The following UBN2 variants were observed in gnomAD, a reference collection of about 807,000 sequenced individuals.
The protein encoded by UBN2 is ubinuclein 2.
Under a neutral mutation model 120.2 loss-of-function variants are expected in UBN2, and 35 were observed. That is an observed-to-expected ratio of 0.29 (90% CI 0.22 to 0.39). The LOEUF is 0.39. Ranked by LOEUF, UBN2 falls within the 10% of genes least tolerant of loss-of-function variation. UBN2 has a pLI of 1.00. For synonymous variants in UBN2, 661 were observed against 648.7 expected (o/e 1.02, Z -0.29); for missense variants, 1,693 against 1,663.2 (o/e 1.02, Z -0.31).
chr7:139,284,030 C>T lies in UBN2; in HGVS notation c.3125C>T (p.Ser1042Phe), dbSNP rs752508519. The T allele has an allele frequency of 6.8e-6, 11 of 1,614,142 alleles. No individual in the cohort carries two copies. Among genetic ancestry groups the T allele is most frequent in the Non-Finnish European group, 9.3e-6 (11 of 1,180,022 alleles). Residue 1042 changes from serine to phenylalanine, a missense_variant, in exon 15 of 18, where the codon TCT becomes TTT. By Grantham distance (155) the Ser-to-Phe change is radical (BLOSUM62 -2). This residue lies in a region of UBN2 where 837 missense variants were observed against 817.6 expected (regional missense o/e 1.02). Coordinates refer to ENST00000473989, the MANE Select transcript of UBN2 (RefSeq NM_173569.4). ...SMAASPKLAASPKPATSPKPL... is the reference protein window; with the variant it reads ...SMAASPKLAAFPKPATSPKPL... ...GCTGCCTCCCCAAAACTTGCCGCAT[C>T]TCCCAAGCCTGCCACATCTCCTAAA...
In UBN2 at chr7:139,303,687, T is replaced by C. The variant is rs1296351413; in HGVS notation, c.*5851T>C. 1 of 152,208 alleles carries C rather than the reference T, an allele frequency of 6.6e-6. No individual in the cohort carries two copies. The highest frequency in any genetic ancestry group is 2.4e-5 in the African/African-American group (1 of 41,464). 9.4% of individuals were successfully genotyped at this position (152,208 alleles called of 1,614,324 possible). On this transcript the variant is annotated 3_prime_UTR_variant, in exon 18 of 18. Coordinates refer to ENST00000473989, the MANE Select transcript of UBN2 (RefSeq NM_173569.4). ...TCCTATATAATTAAAAATAGTATTA[T>C]CATCTTCCTGCAGAGGCTAAAAAAT...
chr7:139,280,803 G>C (rs1797586357), intron 13 of UBN2, among the ~76,000 whole-genome samples: 1 of 152,104 alleles, frequency 6.6e-6, no homozygotes, highest in African/African-American at 2.4e-5. Flanking sequence ...ACACCACCAT[G>C]CCTGGCTAAT....
At chr7:139,321,364 G>A in the UBN2 span, among the ~76,000 whole-genome samples, 1 of 152,222 alleles carries the variant, frequency 6.6e-6, no homozygotes, top group Admixed American at 6.5e-5. Flanking sequence ...CCAAATAAGG[G>A]AGCACTTCAA....
intron 6 of UBN2, 64 bp downstream of exon 6, chr7:139,261,805 C>A (rs760859709): frequency 1.3e-5 from 20 of 1,496,540 alleles, no homozygotes; most frequent in Admixed American, 4.4e-5. Context: ...TGCTTTTGTT[C>A]GTTTGTTTTT....
intron 3 of UBN2, among the ~76,000 whole-genome samples, chr7:139,258,267 A>G (rs1043457409): frequency 1.3e-5 from 2 of 152,166 alleles, no homozygotes; most frequent in East Asian, 3.8e-4. Context: ...TTTAGAATAT[A>G]CTTTATTATT....
At chr7:139,261,865 A>G (rs1463242484) in intron 6 of UBN2, 124 bp downstream of exon 6, 3 of 975,374 alleles carry the variant, frequency 3.1e-6, no homozygotes, top group East Asian at 2.7e-5. Context: ...AAAGATAAAA[A>G]TAATAAACTA....
chr7:139,231,809 C>T lies in UBN2; in HGVS notation c.325C>T (p.Pro109Ser). 6.9e-7 allele frequency: 1 copy of T among 1,443,608 alleles called. No individual in the cohort carries two copies. The highest frequency in any genetic ancestry group is 1.5e-5 in the African/African-American group (1 of 68,262). The allele number at this position is 1,443,608 out of a possible 1,614,324, so 89.4% of individuals were successfully genotyped here. ...GCCGCTGCCCTTGCAGCCGCCCCCG[C>T]CGCGGGAGTCGGCTTCCCGGGCTGA... is the stretch of plus-strand genomic sequence containing the variant. The part of the protein sequence containing the change: ...FPPLPLQPPP[P>S]RESASRAEQP... Residue 109 changes from proline to serine, a missense_variant, in exon 1 of 18, where the codon CCG becomes TCG. By Grantham distance (74) the Pro-to-Ser change is moderately conservative. Coordinates refer to ENST00000473989, the MANE Select transcript of UBN2 (RefSeq NM_173569.4).
chr7:139,323,553 CTGATTATTA>C, the UBN2 span, among the ~76,000 whole-genome samples: 1 of 139,110 alleles, frequency 7.2e-6, no homozygotes, highest in African/African-American at 2.7e-5. Flanking sequence ...GCTTCTGGAC[CTGATTATTA>C]TTATTATTAT....
rs1255035178 is a variant in UBN2, at chr7:139,283,120, G to T, written c.2215G>T (p.Ala739Ser). ...TSSSTAAIAAASSSSAPAQET... is the reference protein window; with the variant it reads ...TSSSTAAIAASSSSSAPAQET... The stretch of plus-strand genomic sequence containing the variant: ...CTCCAGCACAGCTGCCATTGCTGCA[G>T]CTAGCTCTAGCTCTGCACCAGCCCA... Residue 739 changes from alanine (A) to serine (S), a missense_variant, in exon 15 of 18, where the codon GCT becomes TCT. This residue lies in a region of UBN2 where 837 missense variants were observed against 817.6 expected (regional missense o/e 1.02). Transcript: ENST00000473989. The T allele has an allele frequency of 6.2e-7, 1 of 1,612,860 alleles. No homozygotes were observed. Among genetic ancestry groups the T allele is most frequent in the Admixed American group, 1.7e-5 (1 of 59,740 alleles).
rs1440750255 is a variant in UBN2, at chr7:139,269,415, A to C, written c.1488A>C (p.Glu496Asp). 6.2e-7 allele frequency: 1 copy of C among 1,614,122 alleles called. No individual in the cohort carries two copies. Among genetic ancestry groups the C allele is most frequent in the East Asian group, 2.2e-5 (1 of 44,888 alleles). ...ILLDIELQLQ[E>D]LGPVIRSGVY... ...CCAGCATTGAGTTACAGCTACAAGA[A>C]CTAGGCCCTGTCATTCGCAGTGGTG... is the stretch of plus-strand genomic sequence containing the variant. Residue 496 changes from glutamate to aspartate, a missense_variant, in exon 8 of 18, where the codon GAA (glutamate) becomes GAC (aspartate). Glu to Asp is a conservative substitution (Grantham distance 45). This residue lies in a region of UBN2 where 178 missense variants were observed against 204.0 expected (regional missense o/e 0.87). Transcript: ENST00000473989.
At chr7:139,270,588 A>G (rs1392376342) in intron 8 of UBN2, among the ~76,000 whole-genome samples, 1 of 151,716 alleles carries the variant, frequency 6.6e-6, no homozygotes, top group Non-Finnish European at 1.5e-5. Flanking sequence ...TTCATTTTTT[A>G]CTGCTGGGTA....
intron 15 of UBN2, among the ~76,000 whole-genome samples, chr7:139,291,136 G>A (rs893656836): frequency 2.6e-5 from 4 of 151,952 alleles, no homozygotes; most frequent in South Asian, 4.1e-4. Context: ...TGAGGCAGGC[G>A]GATCACTTGA....
the UBN2 span, among the ~76,000 whole-genome samples, chr7:139,323,040 T>TA: frequency 5.6e-4 from 85 of 152,198 alleles, no homozygotes; most frequent in Admixed American, 5.6e-3. Context: ...TACTGAGTAT[T>TA]ATCATGCACT....
chr7:139,261,150 T>C, intron 5 of UBN2, 102 bp from the exon 6 acceptor site: 1 of 1,346,490 alleles, frequency 7.4e-7, no homozygotes, highest in Non-Finnish European at 1.0e-6. Context: ...AACTGCTCTG[T>C]CACCTGTCAA....
At chr7:139,260,333 A>G (rs1796893764) in intron 5 of UBN2, among the ~76,000 whole-genome samples, 1 of 151,338 alleles carries the variant, frequency 6.6e-6, no homozygotes, top group Non-Finnish European at 1.5e-5. Context: ...CCTGGGCTCA[A>G]GTGATTCACC....
chr7:139,256,616 A>G (rs533829368), intron 3 of UBN2, among the ~76,000 whole-genome samples: 4 of 152,314 alleles, frequency 2.6e-5, no homozygotes, highest in Admixed American at 1.3e-4. Context: ...GTACAAAACA[A>G]TGTAGGCAAA....
At chr7:139,309,408 A>C (rs76412509), downstream of UBN2, among the ~76,000 whole-genome samples, 4,569 of 152,324 alleles carry the variant, frequency 0.03, 213 homozygotes, top group African/African-American at 0.097. Context: ...ACAGTTTTGC[A>C]AAAGTGTGTT....
Position 139,292,616 on chromosome 7 carries a change from A to G in UBN2, c.3670-616A>G, listed in dbSNP as rs113145595. On this transcript the variant is annotated intron_variant, in intron 15 of 17. Coordinates refer to ENST00000473989, the MANE Select transcript of UBN2 (RefSeq NM_173569.4). ...AGTTGCTAGGAGTTGGGGAAGAGCTAGAATAACAGTGTGGTTATAAAAAAA... is the reference window on the plus strand; with the variant it reads ...AGTTGCTAGGAGTTGGGGAAGAGCTGGAATAACAGTGTGGTTATAAAAAAA... Among the ~76,000 whole-genome samples the G allele has an allele frequency of 6.1e-3, 936 of 152,358 alleles. 6 individuals carry two copies. Among genetic ancestry groups the G allele is most frequent in the African/African-American group, 0.021 (859 of 41,580 alleles).
At chr7:139,259,123 T>G (rs1048188570) in intron 4 of UBN2, 144 bp from the exon 5 acceptor site, 2 of 1,274,744 alleles carry the variant, frequency 1.6e-6, no homozygotes, top group Admixed American at 2.9e-5. Flanking sequence ...AGAGTGCTCT[T>G]GAACCCCAAG....
Sources: allele counts gnomAD v4.1 joint callset (sites outside exome capture counted in the v4.1 genomes callset), GRCh38; gene constraint gnomAD v4.1.1; regional missense constraint gnomAD v4.1.1; transcripts MANE v1.5; gene names NCBI Gene and HGNC (gene_info 2026-07-23, HGNC 2026-07-21).